ENTREP2: variants seen among roughly 807,000 people sequenced by gnomAD.
The protein encoded by ENTREP2 is protein ENTREP2.
chr15:29,201,014 T>C, the ENTREP2 span, among the ~76,000 whole-genome samples: 1 of 152,368 alleles, frequency 6.6e-6, no homozygotes, highest in East Asian at 1.9e-4. Flanking sequence ...TTAATTTCAG[T>C]GTCCATATGC....
the ENTREP2 span, among the ~76,000 whole-genome samples, chr15:29,370,510 G>A: frequency 6.7e-3 from 1,026 of 152,184 alleles, 2 homozygotes; most frequent in Non-Finnish European, 0.011. Context: ...TGAGCTGGTA[G>A]CTCTATACTG....
chr15:29,656,042 AAC>A, the ENTREP2 span, among the ~76,000 whole-genome samples: 2,419 of 149,782 alleles, frequency 0.016, 66 homozygotes, highest in East Asian at 0.051. Context: ...AAAAAAAAAA[AAC>A]AACTATGTAG....
the ENTREP2 span, among the ~76,000 whole-genome samples, chr15:29,504,201 C>A: frequency 1.3e-5 from 2 of 152,226 alleles, no homozygotes; most frequent in Admixed American, 1.3e-4. Context: ...TACCTATGCA[C>A]CCCTGCAGCA....
chr15:29,457,501 C>T, the ENTREP2 span, among the ~76,000 whole-genome samples: 1 of 152,178 alleles, frequency 6.6e-6, no homozygotes, highest in Non-Finnish European at 1.5e-5. Flanking sequence ...GCCCTGGTGC[C>T]TGCTGGAAAG....
chr15:29,176,705 C>A, the ENTREP2 span, among the ~76,000 whole-genome samples: 1 of 152,208 alleles, frequency 6.6e-6, no homozygotes, highest in Non-Finnish European at 1.5e-5. Flanking sequence ...AAGGCTGAGG[C>A]CGGGCCCCAG....
chr15:29,329,643 T>C, the ENTREP2 span, among the ~76,000 whole-genome samples: 1 of 152,094 alleles, frequency 6.6e-6, no homozygotes, highest in Non-Finnish European at 1.5e-5. Flanking sequence ...AATTTGCCCA[T>C]GGACTAGGGC....
At chr15:29,462,397 T>A in the ENTREP2 span, among the ~76,000 whole-genome samples, 5,600 of 152,030 alleles carry the variant, frequency 0.037, 158 homozygotes, top group Non-Finnish European at 0.057. Context: ...TCACCTTGGG[T>A]CAGGAGTTTG....
chr15:29,202,481 T>A, the ENTREP2 span, among the ~76,000 whole-genome samples: 20 of 152,196 alleles, frequency 1.3e-4, no homozygotes, highest in Non-Finnish European at 2.5e-4. Context: ...AAATTTTTTT[T>A]ATTTTACTTT....
At chr15:29,438,623 C>T in the ENTREP2 span, among the ~76,000 whole-genome samples, 2 of 152,072 alleles carry the variant, frequency 1.3e-5, no homozygotes, top group African/African-American at 2.4e-5. Flanking sequence ...GTACCTGAAT[C>T]CCCAGCTATC....
At chr15:29,545,663 G>A in the ENTREP2 span, among the ~76,000 whole-genome samples, 8 of 152,168 alleles carry the variant, frequency 5.3e-5, no homozygotes, top group African/African-American at 7.2e-5. Flanking sequence ...GATGATCCAC[G>A]TCATTTTTGC....
the ENTREP2 span, among the ~76,000 whole-genome samples, chr15:29,479,678 CAT>C: frequency 2.6e-5 from 3 of 115,190 alleles, no homozygotes; most frequent in South Asian, 2.8e-4. Context: ...CACACACACA[CAT>C]ACATACACAC....
the ENTREP2 span, among the ~76,000 whole-genome samples, chr15:29,602,502 GA>G: frequency 6.6e-6 from 1 of 151,904 alleles, no homozygotes; most frequent in African/African-American, 2.4e-5. Context: ...TATTCAAGAT[GA>G]AAAAACTGTT....
the ENTREP2 span, among the ~76,000 whole-genome samples, chr15:29,562,441 G>C: frequency 1.3e-5 from 2 of 152,124 alleles, 1 homozygote; most frequent in Admixed American, 1.3e-4. Context: ...CTGAGAAAAA[G>C]ACTAATGATA....
the ENTREP2 span, among the ~76,000 whole-genome samples, chr15:29,193,613 C>T: frequency 3.3e-5 from 5 of 152,220 alleles, no homozygotes; most frequent in African/African-American, 1.2e-4. Context: ...ACTTCTTAGT[C>T]TCCATGGTAA....
At chr15:29,170,365 C>T in the ENTREP2 span, among the ~76,000 whole-genome samples, 1 of 134,088 alleles carries the variant, frequency 7.5e-6, no homozygotes, top group Non-Finnish European at 1.6e-5. Context: ...TAGCAACAAA[C>T]AGCAAGTATA....
chr15:29,420,217 A>G, the ENTREP2 span, among the ~76,000 whole-genome samples: 1 of 152,322 alleles, frequency 6.6e-6, no homozygotes, highest in East Asian at 1.9e-4. Flanking sequence ...GGGCTAATCA[A>G]GGAAGTAGAT....
the ENTREP2 span, among the ~76,000 whole-genome samples, chr15:29,297,159 A>T: frequency 6.6e-6 from 1 of 152,128 alleles, no homozygotes. Flanking sequence ...AAATCCAGAC[A>T]CTCAGCCGTA....
the ENTREP2 span, among the ~76,000 whole-genome samples, chr15:29,606,053 C>G: frequency 6.6e-6 from 1 of 151,888 alleles, no homozygotes; most frequent in African/African-American, 2.4e-5. Flanking sequence ...GCTTTATCAC[C>G]CAAATTTGCT....
chr15:29,231,885 C>CTTTTTTTTTTTTTTTT, the ENTREP2 span, among the ~76,000 whole-genome samples: 21 of 129,972 alleles, frequency 1.6e-4, 2 homozygotes, highest in East Asian at 3.0e-3. Context: ...GTTTTCTTTT[C>CTTTTTTTTTTTTTTTT]TTTTCTTTCT....
Sources: allele counts gnomAD v4.1 joint callset (sites outside exome capture counted in the v4.1 genomes callset), GRCh38; gene constraint gnomAD v4.1.1; transcripts MANE v1.5; gene names NCBI Gene and HGNC (gene_info 2026-07-23, HGNC 2026-07-21).